Variants in RPS6KA2 observed in about 807,000 individuals in gnomAD.
RPS6KA2 encodes the protein ribosomal protein S6 kinase A2.
RPS6KA2 carries 42 observed loss-of-function variants against 91.8 expected under a neutral mutation model. The ratio of observed to expected loss-of-function variants is 0.46; its 90% CI spans 0.36 to 0.59. The LOEUF is 0.59. RPS6KA2 is among the 20% of genes least tolerant of loss of function. RPS6KA2 has a pLI of 0.00. For missense variants in RPS6KA2, 798 were observed against 978.5 expected, an observed-to-expected ratio of 0.82 and a Z score of 2.46; for synonymous variants, 414 against 393.6, an observed-to-expected ratio of 1.05 and a Z score of -0.61.
intron 2 of RPS6KA2, among the ~76,000 whole-genome samples, chr6:166,851,672 C>G (rs865972193): frequency 1.3e-5 from 2 of 152,180 alleles, no homozygotes; most frequent in East Asian, 3.9e-4. Context: ...AGAGACTGTT[C>G]CCATTCGCAC....
At chr6:166,534,373 T>G (rs1783413256) in intron 2 of RPS6KA2, among the ~76,000 whole-genome samples, 1 of 152,222 alleles carries the variant, frequency 6.6e-6, no homozygotes, top group South Asian at 2.1e-4. Context: ...AGCTCCCTCT[T>G]TCAAAATGGG....
chr6:166,810,854 A>T (rs1273731139), intron 2 of RPS6KA2, among the ~76,000 whole-genome samples: 1 of 152,160 alleles, frequency 6.6e-6, no homozygotes, highest in Non-Finnish European at 1.5e-5. Context: ...CATAACAAGG[A>T]CCAAATGCAG....
At chr6:166,684,193 G>A (rs866556343) in intron 2 of RPS6KA2, among the ~76,000 whole-genome samples, 12 of 152,270 alleles carry the variant, frequency 7.9e-5, no homozygotes, top group Admixed American at 2.0e-4. Flanking sequence ...ACACAGGGAC[G>A]GAGGTCAGGG....
Position 166,726,468 on chromosome 6 carries a change from C to A in RPS6KA2, c.123+131732G>T, listed in dbSNP as rs1205250195. Among the ~76,000 whole-genome samples the A allele has an allele frequency of 6.6e-6, 1 of 152,146 alleles. No homozygotes were observed. The highest frequency in any genetic ancestry group is 1.9e-4 in the East Asian group (1 of 5,194). On this transcript the variant is annotated intron_variant, in intron 2 of 21. Transcript: ENST00000503859. This position sits in a 1 kb window ranked among gnomAD's most constrained non-coding sequence, Gnocchi z 4.4. Reference sequence around the variant, plus strand: ...ACCCTGTAGCAGAGGCTTCTGTCACCAATGATCATTCCCCAAGTCAGAGAC... The same window carrying A: ...ACCCTGTAGCAGAGGCTTCTGTCACAAATGATCATTCCCCAAGTCAGAGAC...
At chr6:166,823,135 C>T (rs1334754266) in intron 2 of RPS6KA2, among the ~76,000 whole-genome samples, 1 of 152,178 alleles carries the variant, frequency 6.6e-6, no homozygotes, top group African/African-American at 2.4e-5. Context: ...CTACATGAGA[C>T]AGGGGACCAT....
chr6:166,457,125 T>C (rs972691127), intron 12 of RPS6KA2, among the ~76,000 whole-genome samples: 1 of 152,250 alleles, frequency 6.6e-6, no homozygotes, highest in Non-Finnish European at 1.5e-5. Flanking sequence ...CAGCCCCACA[T>C]GTTGGCACCT....
chr6:166,493,556 G>A lies in RPS6KA2; in HGVS notation c.748-2815C>T, dbSNP rs1316129511. 6.6e-6 allele frequency among the ~76,000 whole-genome samples: 1 copy of A among 152,094 alleles called. No homozygotes were observed. The stretch of plus-strand genomic sequence containing the variant: ...CCACAGTCAAGTACACGCACCGGGG[G>A]AGGGAGGGCACTCCAAAGGATTCTT... On this transcript the variant is annotated intron_variant, in intron 8 of 20. Transcript: ENST00000265678. This position sits in a 1 kb window ranked among gnomAD's most constrained non-coding sequence, Gnocchi z 4.7.
intron 2 of RPS6KA2, among the ~76,000 whole-genome samples, chr6:166,810,027 T>C (rs1779589142): frequency 6.6e-6 from 1 of 152,190 alleles, no homozygotes; most frequent in African/African-American, 2.4e-5. Context: ...TGGAGAGGAC[T>C]CAGGAAACTT....
At position 166,533,332 on chromosome 6, in the gene RPS6KA2, G is replaced by A. The variant is rs1783359520; in HGVS notation, c.217-2019C>T. ...ACCAGCCAGGACAGTGCAGGGAGGAGGCAGGCGCAGCCCAGGAGTCCAGGA... is the reference window on the plus strand; with the variant it reads ...ACCAGCCAGGACAGTGCAGGGAGGAAGCAGGCGCAGCCCAGGAGTCCAGGA... On this transcript the variant is annotated intron_variant, in intron 2 of 20. Coordinates refer to ENST00000265678, the MANE Select transcript of RPS6KA2 (RefSeq NM_021135.6). This position sits in a 1 kb window ranked among gnomAD's most constrained non-coding sequence, Gnocchi z 4.0. 6.6e-6 allele frequency among the ~76,000 whole-genome samples: 1 copy of A among 152,248 alleles called. No homozygotes were observed. Among genetic ancestry groups the A allele is most frequent in the African/African-American group, 2.4e-5 (1 of 41,468 alleles).
chr6:166,486,727 C>T (rs747740473), intron 10 of RPS6KA2, among the ~76,000 whole-genome samples: 15 of 152,080 alleles, frequency 9.9e-5, no homozygotes, highest in South Asian at 2.1e-4. Context: ...GGCTCCGCTG[C>T]GGGGTGAGTC....
At chr6:166,743,067 C>A (rs1790860368) in intron 2 of RPS6KA2, among the ~76,000 whole-genome samples, 3 of 152,234 alleles carry the variant, frequency 2.0e-5, no homozygotes, top group African/African-American at 7.2e-5. Context: ...GAATGGCCTG[C>A]TGCAACACAT....
At chr6:166,693,112 C>T (rs1316828928) in intron 2 of RPS6KA2, among the ~76,000 whole-genome samples, 5 of 152,202 alleles carry the variant, frequency 3.3e-5, no homozygotes, top group African/African-American at 1.2e-4. Context: ...GCTACTCTTT[C>T]CGTTGGGTGG....
At chr6:166,805,189 G>T (rs1174321908) in intron 2 of RPS6KA2, among the ~76,000 whole-genome samples, 1 of 152,180 alleles carries the variant, frequency 6.6e-6, no homozygotes, top group African/African-American at 2.4e-5. Context: ...ACAGTTGCCT[G>T]CTCTCCACCC....
rs1321718618 is a variant in RPS6KA2, at chr6:166,733,875, TAGAA to T, written c.123+124321_123+124324del. Reference sequence around the variant, plus strand: ...TTACAGGCTGAACAGAGTAAACCAATAGAAAGAGAAATGGTAAAATGAAAAACTG... The same window carrying T: ...TTACAGGCTGAACAGAGTAAACCAATAGAGAAATGGTAAAATGAAAAACTG... On this transcript the variant is annotated intron_variant, in intron 2 of 21. Transcript: ENST00000503859. This position sits in a 1 kb window ranked among gnomAD's most constrained non-coding sequence, Gnocchi z 4.1. 6.6e-6 allele frequency among the ~76,000 whole-genome samples: 1 copy of T among 152,128 alleles called. No individual in the cohort carries two copies. Among genetic ancestry groups the T allele is most frequent in the Admixed American group, 6.5e-5 (1 of 15,272 alleles).
intron 2 of RPS6KA2, among the ~76,000 whole-genome samples, chr6:166,686,577 G>A (rs1335191510): frequency 6.6e-6 from 1 of 152,200 alleles, no homozygotes; most frequent in Non-Finnish European, 1.5e-5. Flanking sequence ...AGCCCATGTG[G>A]CTTAGCTTTC....
intron 2 of RPS6KA2, among the ~76,000 whole-genome samples, chr6:166,819,276 T>C (rs1341100974): frequency 6.6e-6 from 1 of 152,202 alleles, no homozygotes; most frequent in Non-Finnish European, 1.5e-5. Flanking sequence ...TAAGCAAATA[T>C]ATAAATATTT....
rs1049741069 is a variant in RPS6KA2, at chr6:166,563,321, G to A, written c.100-24537C>T. Among the ~76,000 whole-genome samples the A allele has an allele frequency of 5.3e-5, 8 of 152,176 alleles. No homozygotes were observed. The highest frequency in any genetic ancestry group is 1.0e-4 in the Non-Finnish European group (7 of 68,026). ...CACTCGGAGGAGCGGGGGCCAACCC[G>A]GAATCAGCCTCTGTTCCTTCTTTTC... is the stretch of plus-strand genomic sequence containing the variant. On this transcript the variant is annotated intron_variant, in intron 1 of 20. Transcript: ENST00000265678. The surrounding 1 kb of genome is among the most constrained non-coding windows in gnomAD (Gnocchi z 4.1).
At chr6:166,694,124 G>C (rs1789292183) in intron 2 of RPS6KA2, among the ~76,000 whole-genome samples, 1 of 152,208 alleles carries the variant, frequency 6.6e-6, no homozygotes, top group Non-Finnish European at 1.5e-5. Flanking sequence ...TATCTCCAAA[G>C]GGCTGGATGG....
chr6:166,514,101 A>G (rs918286081), intron 3 of RPS6KA2, among the ~76,000 whole-genome samples: 1 of 152,180 alleles, frequency 6.6e-6, no homozygotes, highest in Non-Finnish European at 1.5e-5. Flanking sequence ...GAGCAAAGGT[A>G]GGCTCGGTCT....
Sources: gnomAD v4.1 joint callset for allele counts (sites outside exome capture counted in the v4.1 genomes callset) on GRCh38, gnomAD v4.1.1 for gene constraint, Gnocchi (gnomAD v3.1) non-coding constraint, MANE v1.5 for transcripts, NCBI Gene and HGNC (gene_info 2026-07-23, HGNC 2026-07-21) for gene names.